The following LPP variants were observed in gnomAD, a reference collection of about 807,000 sequenced individuals.
LPP encodes lipoma-preferred partner.
Under a neutral mutation model 60.4 loss-of-function variants are expected in LPP, and 38 were observed. The observed-to-expected ratio is 0.63, with a 90% confidence interval of 0.49 to 0.83. The LOEUF is 0.83. Ranked by LOEUF, LPP falls within the 40% of genes least tolerant of loss-of-function variation. The pLI is 0.00. For missense variants in LPP, 902 were observed against 783.6 expected (o/e 1.15, Z -1.80); for synonymous variants, 328 against 290.8 (o/e 1.13, Z -1.30).
At chr3:188,241,543 T>G (rs542383843) in intron 2 of LPP, among the ~76,000 whole-genome samples, 1 of 152,358 alleles carries the variant, frequency 6.6e-6, no homozygotes, top group African/African-American at 2.4e-5. Context: ...ATTTGTTTCC[T>G]GCTTGTATCT....
intron 8 of LPP, among the ~76,000 whole-genome samples, chr3:188,753,450 A>G (rs1728741240): frequency 6.6e-6 from 1 of 152,068 alleles, no homozygotes; most frequent in Non-Finnish European, 1.5e-5. Context: ...GTTAGACTTT[A>G]TAACAACTTC....
chr3:188,623,691 AAAATTGTCACTGCTGTGCAGCAACTC>A (rs1400495215), intron 7 of LPP, among the ~76,000 whole-genome samples: 3 of 152,226 alleles, frequency 2.0e-5, no homozygotes, highest in Non-Finnish European at 4.4e-5. Context: ...TATGTTTTAA[AAAATTGTCACTGCTGTGCAGCAACTC>A]AAATTGTCAC....
chr3:188,527,075 G>T (rs1036513096), intron 6 of LPP, among the ~76,000 whole-genome samples: 1 of 152,160 alleles, frequency 6.6e-6, no homozygotes, highest in African/African-American at 2.4e-5. Context: ...CACCAAGGCT[G>T]CATTTAGAGA....
At chr3:188,386,395 C>T (rs1361414512) in intron 3 of LPP, among the ~76,000 whole-genome samples, 1 of 152,128 alleles carries the variant, frequency 6.6e-6, no homozygotes, top group East Asian at 1.9e-4. Context: ...AATATTACCT[C>T]CACTGGGACC....
intron 1 of LPP, among the ~76,000 whole-genome samples, chr3:188,181,571 A>G (rs918758839): frequency 6.6e-6 from 1 of 152,186 alleles, no homozygotes; most frequent in African/African-American, 2.4e-5. Context: ...TGCTGCTTCA[A>G]GATTCTTTTA....
intron 2 of LPP, among the ~76,000 whole-genome samples, chr3:188,251,122 T>G (rs1007414812): frequency 6.8e-6 from 1 of 148,042 alleles, no homozygotes; most frequent in Non-Finnish European, 1.5e-5. Flanking sequence ...TATTTTCCTC[T>G]TTCTTTCTTT....
rs1484000141 is a variant in LPP, at chr3:188,527,358, A to C, written c.429+2571A>C. On this transcript the variant is annotated intron_variant, in intron 6 of 11. Transcript: ENST00000617246. ...AGGGAGACTCCATCTGAAAAAAAAA[A>C]AAAAAAAAAAAAGAGAGAATATAAG... 7.2e-5 allele frequency among the ~76,000 whole-genome samples: 11 copies of C among 151,846 alleles called. 1 individual carries two copies. The highest frequency in any genetic ancestry group is 2.4e-4 in the African/African-American group (10 of 41,460).
At chr3:188,706,925 T>A (rs570770828) in intron 7 of LPP, among the ~76,000 whole-genome samples, 1 of 152,328 alleles carries the variant, frequency 6.6e-6, no homozygotes, top group South Asian at 2.1e-4. Context: ...TATCACACTT[T>A]TATTAAGAAT....
At chr3:188,434,438 C>T (rs2149190845) in intron 4 of LPP, among the ~76,000 whole-genome samples, 1 of 152,204 alleles carries the variant, frequency 6.6e-6, no homozygotes, top group East Asian at 1.9e-4. Context: ...TACATTCTTC[C>T]ATTTGAAAAC....
chr3:188,392,642 A>G (rs1328041353), intron 3 of LPP, among the ~76,000 whole-genome samples: 2 of 152,158 alleles, frequency 1.3e-5, no homozygotes, highest in African/African-American at 2.4e-5. Flanking sequence ...TTTAACCAAA[A>G]ATTTCTAAAT....
intron 6 of LPP, among the ~76,000 whole-genome samples, chr3:188,559,108 G>T (rs748977447): frequency 6.6e-6 from 1 of 152,034 alleles, no homozygotes; most frequent in Non-Finnish European, 1.5e-5. Context: ...CTCCCCAGAT[G>T]TAACATGAGG....
intron 3 of LPP, among the ~76,000 whole-genome samples, chr3:188,363,520 C>T (rs1770143225): frequency 1.3e-5 from 2 of 152,274 alleles, no homozygotes; most frequent in Middle Eastern, 3.4e-3. Context: ...GTCCCTAGAG[C>T]ATGATGTTTA....
intron 7 of LPP, among the ~76,000 whole-genome samples, chr3:188,647,817 T>A (rs893260924): frequency 1.3e-5 from 2 of 152,194 alleles, no homozygotes; most frequent in Non-Finnish European, 2.9e-5. Flanking sequence ...GTGGCTACTT[T>A]AGCATATTTT....
intron 6 of LPP, among the ~76,000 whole-genome samples, chr3:188,581,134 G>A (rs1008451151): frequency 2.0e-5 from 3 of 152,094 alleles, no homozygotes; most frequent in African/African-American, 7.2e-5. Context: ...CATCACAGGA[G>A]GGTAGTCTTT....
chr3:188,837,382 C>CAATAATA (rs1553864774), intron 9 of LPP, among the ~76,000 whole-genome samples: 1 of 140,394 alleles, frequency 7.1e-6, no homozygotes, highest in Non-Finnish European at 1.5e-5. Context: ...CCATCTCAAA[C>CAATAATA]ATAATAATAA....
At chr3:188,560,373 A>G (rs1830396958) in intron 6 of LPP, among the ~76,000 whole-genome samples, 1 of 152,100 alleles carries the variant, frequency 6.6e-6, no homozygotes, top group African/African-American at 2.4e-5. Flanking sequence ...TCAAATCACT[A>G]CTCAACAACC....
intron 2 of LPP, among the ~76,000 whole-genome samples, chr3:188,242,034 G>C (rs1725098086): frequency 6.6e-6 from 1 of 152,146 alleles, no homozygotes; most frequent in African/African-American, 2.4e-5. Flanking sequence ...TCGCAGGGTG[G>C]ATGATGTGCT....
chr3:188,851,460 A>G (rs1762660774), intron 9 of LPP, among the ~76,000 whole-genome samples: 1 of 152,214 alleles, frequency 6.6e-6, no homozygotes, highest in African/African-American at 2.4e-5. Context: ...GCAAAATTTG[A>G]AACCACATTT....
At chr3:188,180,110 C>T (rs998964580) in intron 1 of LPP, 3 of 152,758 alleles carry the variant, frequency 2.0e-5, no homozygotes, top group Non-Finnish European at 2.9e-5. Context: ...AGACACTTAA[C>T]TATCTTCCTG....
Sources: gnomAD v4.1 joint callset for allele counts (sites outside exome capture counted in the v4.1 genomes callset) on GRCh38, gnomAD v4.1.1 for gene constraint, MANE v1.5 for transcripts, NCBI Gene and HGNC (gene_info 2026-07-23, HGNC 2026-07-21) for gene names.